OSBPL9: variants seen among roughly 807,000 people sequenced by gnomAD.
OSBPL9 encodes oxysterol binding protein like 9.
Under a neutral mutation model 106.6 loss-of-function variants are expected in OSBPL9, and 40 were observed. The ratio of observed to expected loss-of-function variants is 0.38; its 90% CI spans 0.29 to 0.49. The LOEUF (loss-of-function observed/expected upper bound fraction) is 0.49, where lower values mean the gene tolerates loss of function less well. OSBPL9 is among the 20% of genes least tolerant of loss of function. The probability of loss-of-function intolerance (pLI) is 0.97; values close to 1 mark genes in which losing one functional copy is unlikely to be tolerated. For synonymous variants in OSBPL9, 269 were observed against 295.4 expected (o/e 0.91, Z 0.92); for missense variants, 609 against 887.2 (o/e 0.69, Z 3.98).
At chr1:51,673,610 A>T (rs938491709) in intron 3 of OSBPL9, among the ~76,000 whole-genome samples, 1 of 152,202 alleles carries the variant, frequency 6.6e-6, no homozygotes, top group Non-Finnish European at 1.5e-5. Context: ...TGGGCAGTTT[A>T]TTCATAGTGT....
At chr1:51,744,744 GCAGT>G (rs1405054683) in intron 4 of OSBPL9, among the ~76,000 whole-genome samples, 2 of 152,136 alleles carry the variant, frequency 1.3e-5, no homozygotes, top group African/African-American at 4.8e-5. Context: ...TGAAAATGTG[GCAGT>G]CAGAGAAGAT....
At chr1:51,629,513 A>G (rs1014589524) in intron 1 of OSBPL9, among the ~76,000 whole-genome samples, 1 of 152,194 alleles carries the variant, frequency 6.6e-6, no homozygotes, top group Non-Finnish European at 1.5e-5. Flanking sequence ...ATAGTTTACT[A>G]CATACCTAGT....
chr1:51,756,434 A>AT, intron 9 of OSBPL9, 76 bp downstream of exon 9: 5 of 1,399,398 alleles, frequency 3.6e-6, no homozygotes, highest in South Asian at 1.2e-5. Context: ...GAGAAGCCTG[A>AT]ATTACTACTC....
At chr1:51,728,340 T>G (rs186817487) in intron 4 of OSBPL9, among the ~76,000 whole-genome samples, 286 of 152,294 alleles carry the variant, frequency 1.9e-3, no homozygotes, top group Middle Eastern at 0.014. Context: ...AAGAAGACTT[T>G]AGTAAGATTA....
chr1:51,786,902 T>C (rs533440305), intron 22 of OSBPL9, among the ~76,000 whole-genome samples: 1 of 152,334 alleles, frequency 6.6e-6, no homozygotes, highest in Non-Finnish European at 1.5e-5. Flanking sequence ...TTCTTGACCC[T>C]TATTCTCTCC....
rs1676303839 is a variant in OSBPL9 at position 51,781,198 on chromosome 1, G to A, written c.1291G>A (p.Val431Ile). Residue 431 changes from valine to isoleucine, a missense_variant, in exon 16 of 24, where the codon GTT becomes ATT. Physicochemically the swap from Val to Ile is conservative, Grantham distance 29. Coordinates refer to ENST00000428468, the MANE Select transcript of OSBPL9 (RefSeq NM_024586.6). Reference protein sequence around the residue: ...SDQKDPKDRMVQVVKWYLSAF... With the variant: ...SDQKDPKDRMIQVVKWYLSAF... ...CCAGAAGGATCCCAAGGATCGAATGGTTCAGGTTGTGAAATGGTACCTCTC... is the reference window on the plus strand; with the variant it reads ...CCAGAAGGATCCCAAGGATCGAATGATTCAGGTTGTGAAATGGTACCTCTC... 2.5e-6 allele frequency: 4 copies of A among 1,614,058 alleles called. No individual in the cohort carries two copies. Among genetic ancestry groups the A allele is most frequent in the Non-Finnish European group, 3.4e-6 (4 of 1,180,004 alleles).
intron 8 of OSBPL9, among the ~76,000 whole-genome samples, chr1:51,755,109 C>T (rs56011628): frequency 0.023 from 3,507 of 152,112 alleles, 78 homozygotes; most frequent in Middle Eastern, 0.088. Context: ...CTTTTTGCAC[C>T]AAGTCTTCAA....
intron 1 of OSBPL9, among the ~76,000 whole-genome samples, chr1:51,577,581 A>G (rs563858964): frequency 5.3e-5 from 8 of 152,254 alleles, no homozygotes; most frequent in Middle Eastern, 3.4e-3. Context: ...CCCTAGTCTC[A>G]GGCATTTCTT....
chr1:51,640,382 A>G (rs1461457151), intron 1 of OSBPL9, among the ~76,000 whole-genome samples: 1 of 152,230 alleles, frequency 6.6e-6, no homozygotes, highest in Non-Finnish European at 1.5e-5. Context: ...AACTGAACTA[A>G]TCTTCTAAAA....
At chr1:51,656,225 G>T (rs1444885829) in intron 2 of OSBPL9, among the ~76,000 whole-genome samples, 1 of 152,136 alleles carries the variant, frequency 6.6e-6, no homozygotes, top group African/African-American at 2.4e-5. Context: ...GATATAACTG[G>T]TACGGTTGTA....
chr1:51,694,660 G>A (rs530876313), intron 3 of OSBPL9, among the ~76,000 whole-genome samples: 1 of 152,170 alleles, frequency 6.6e-6, no homozygotes, highest in East Asian at 1.9e-4. Flanking sequence ...TCATGCGTTG[G>A]TTATTTGAAA....
the OSBPL9 span, chr1:51,567,659 T>C: frequency 1.3e-5 from 2 of 152,260 alleles, no homozygotes; most frequent in Non-Finnish European, 2.9e-5. Flanking sequence ...GAGATGACAG[T>C]ATTTAATTTA....
At chr1:51,633,667 G>A (rs1421201423) in intron 1 of OSBPL9, among the ~76,000 whole-genome samples, 2 of 151,836 alleles carry the variant, frequency 1.3e-5, no homozygotes, top group Non-Finnish European at 2.9e-5. Flanking sequence ...TGTCACGGGG[G>A]CTAGAGTGCA....
chr1:51,672,931 T>C (rs1003413411), intron 3 of OSBPL9, among the ~76,000 whole-genome samples: 6 of 152,176 alleles, frequency 3.9e-5, no homozygotes, highest in Non-Finnish European at 7.4e-5. Flanking sequence ...AAGTAGGCAG[T>C]TGGAGTTCAG....
rs560055981 is a variant in OSBPL9, at chr1:51,657,830, G to A, written c.162+5789G>A. On this transcript the variant is annotated intron_variant, in intron 2 of 23. Transcript: ENST00000428468. ...GAGGCAGTGTGGCCCGGGCTTGGTG[G>A]CTCATGCCTGTAATCCCAGCACTTT... Among the ~76,000 whole-genome samples, 24 of 152,314 alleles carry A rather than the reference G, an allele frequency of 1.6e-4. 1 individual carries two copies. The South Asian group carries it at 4.8e-3, about 30-fold the overall frequency.
At chr1:51,649,260 C>T (rs932795896) in intron 1 of OSBPL9, among the ~76,000 whole-genome samples, 2 of 152,168 alleles carry the variant, frequency 1.3e-5, no homozygotes, top group African/African-American at 4.8e-5. Context: ...GTGTGCACCA[C>T]CATGCCCAGC....
intron 2 of OSBPL9, among the ~76,000 whole-genome samples, chr1:51,607,164 C>CTTTTTTT (rs1320905927): frequency 2.9e-5 from 4 of 136,380 alleles, no homozygotes; most frequent in Admixed American, 7.6e-5. Context: ...TTTTCTTTTT[C>CTTTTTTT]TTTTTTTTTT....
chr1:51,529,561 G>C, the OSBPL9 span, among the ~76,000 whole-genome samples: 2 of 152,050 alleles, frequency 1.3e-5, no homozygotes, highest in Admixed American at 6.6e-5. Context: ...TAGTAGTCAA[G>C]ATAGCATGGT....
intron 3 of OSBPL9, among the ~76,000 whole-genome samples, chr1:51,708,407 A>G (rs893195497): frequency 1.3e-5 from 2 of 152,094 alleles, no homozygotes. Context: ...TGTTCTGCTT[A>G]AAAAGAATAT....
Sources: allele counts gnomAD v4.1 joint callset (sites outside exome capture counted in the v4.1 genomes callset), GRCh38; gene constraint gnomAD v4.1.1; transcripts MANE v1.5; gene names NCBI Gene and HGNC (gene_info 2026-07-23, HGNC 2026-07-21).